KDM2A: variants seen among roughly 807,000 people sequenced by gnomAD.
KDM2A encodes the protein lysine-specific demethylase 2A.
Under a neutral mutation model 137.3 loss-of-function variants are expected in KDM2A, and 3 were observed. That is an observed-to-expected ratio of 0.02 (90% CI 0.01 to 0.06). The LOEUF (loss-of-function observed/expected upper bound fraction) is 0.06, where lower values mean the gene tolerates loss of function less well. Ranked by LOEUF, KDM2A falls within the 10% of genes least tolerant of loss-of-function variation. KDM2A has a pLI of 1.00. For synonymous variants in KDM2A, 512 were observed against 541.5 expected, an observed-to-expected ratio of 0.95 and a Z score of 0.76; for missense variants, 738 against 1,510.6, an observed-to-expected ratio of 0.49 and a Z score of 8.48.
Position 67,119,742 on chromosome 11 carries a change from CCGGGGCCGGCCCGGGGCT to C in KDM2A, c.-386_-369del, listed in dbSNP as rs1240511146. 1 of 150,262 alleles carries C rather than the reference CCGGGGCCGGCCCGGGGCT, an allele frequency of 6.7e-6. No individual in the cohort carries two copies. The highest frequency in any genetic ancestry group is 1.5e-5 in the Non-Finnish European group (1 of 67,276). 9.3% of individuals were successfully genotyped at this position (150,262 alleles called of 1,614,324 possible). A position where few individuals can be genotyped will look rare whatever the true frequency, so the allele number is the denominator to read the frequency against. On this transcript the variant is annotated 5_prime_UTR_variant, in exon 1 of 21. Coordinates refer to ENST00000529006, the MANE Select transcript of KDM2A (RefSeq NM_012308.3). ...ACGGCGAGGAGGGCGCTCCCTGCGG[CCGGGGCCGGCCCGGGGCT>C]CGGGCCCGGGCTGCTGACCGCTGGC... is the stretch of plus-strand genomic sequence containing the variant.
rs568922387 is a variant in KDM2A at position 67,255,876 on chromosome 11, C to T, written c.*821C>T. Reference sequence around the variant, plus strand: ...TGTTCCCCCTCTCTCTTTTGCCTCCCACTGACTGCCCTTTTCCATGTGTCT... The same window carrying T: ...TGTTCCCCCTCTCTCTTTTGCCTCCTACTGACTGCCCTTTTCCATGTGTCT... On this transcript the variant is annotated 3_prime_UTR_variant, in exon 21 of 21. Transcript: ENST00000529006. 4.2e-5 allele frequency: 11 copies of T among 264,924 alleles called. 1 individual carries two copies. Among genetic ancestry groups the T allele is most frequent in the South Asian group, 3.7e-4 (11 of 29,922 alleles). 16.4% of individuals were successfully genotyped at this position (264,924 alleles called of 1,614,324 possible).
At chr11:67,151,327 A>T (rs971473103) in intron 2 of KDM2A, among the ~76,000 whole-genome samples, 1 of 152,134 alleles carries the variant, frequency 6.6e-6, no homozygotes, top group Non-Finnish European at 1.5e-5. Flanking sequence ...ATGTTGGTGT[A>T]AACTATACAC....
At chr11:67,198,545 C>T (rs1405239201) in intron 5 of KDM2A, among the ~76,000 whole-genome samples, 1 of 151,802 alleles carries the variant, frequency 6.6e-6, no homozygotes, top group Non-Finnish European at 1.5e-5. Flanking sequence ...CCCATCTCTA[C>T]TAAAAACACA....
rs1214491109 is a variant in KDM2A at position 67,255,138 on chromosome 11, G to A, written c.*83G>A. The stretch of plus-strand genomic sequence containing the variant: ...AGAGCCTCTCCTCGACCCTGCACGG[G>A]CTCTGAGGCCAGCGTCACACTCCCT... On this transcript the variant is annotated 3_prime_UTR_variant, in exon 21 of 21. Coordinates refer to ENST00000529006, the MANE Select transcript of KDM2A (RefSeq NM_012308.3). 2 of 1,258,470 alleles carry A rather than the reference G, an allele frequency of 1.6e-6. No homozygotes were observed. Among genetic ancestry groups the A allele is most frequent in the Admixed American group, 4.2e-5 (2 of 47,522 alleles). 78.0% of individuals were successfully genotyped at this position (1,258,470 alleles called of 1,614,324 possible).
intron 10 of KDM2A, among the ~76,000 whole-genome samples, chr11:67,223,331 C>T (rs558716875): frequency 4.6e-5 from 7 of 151,986 alleles, no homozygotes; most frequent in South Asian, 4.2e-4. Context: ...TTATAAGTTA[C>T]GAGTAAAAAC....
chr11:67,210,651 C>T (rs576390965), intron 6 of KDM2A, among the ~76,000 whole-genome samples: 8 of 152,232 alleles, frequency 5.3e-5, no homozygotes, highest in African/African-American at 1.4e-4. Context: ...TAATATCTTA[C>T]GGGGACCTAA....
intron 10 of KDM2A, among the ~76,000 whole-genome samples, chr11:67,226,876 C>T (rs534338492): frequency 9.5e-4 from 144 of 152,104 alleles, no homozygotes; most frequent in Non-Finnish European, 1.9e-3. Context: ...CTTGTAATCT[C>T]GGCTACTGGG....
At chr11:67,191,321 G>A (rs1857349100) in intron 5 of KDM2A, among the ~76,000 whole-genome samples, 1 of 152,084 alleles carries the variant, frequency 6.6e-6, no homozygotes, top group Non-Finnish European at 1.5e-5. Flanking sequence ...CACTGCGCCC[G>A]ACCAAGGGAA....
At chr11:67,216,357 A>G (rs1858160363) in intron 8 of KDM2A, among the ~76,000 whole-genome samples, 1 of 152,362 alleles carries the variant, frequency 6.6e-6, no homozygotes, top group Middle Eastern at 3.4e-3. Context: ...CTTTCCCTCT[A>G]TGTAGCCATT....
At chr11:67,166,456 G>A (rs1856748416) in intron 2 of KDM2A, among the ~76,000 whole-genome samples, 1 of 152,076 alleles carries the variant, frequency 6.6e-6, no homozygotes, top group African/African-American at 2.4e-5. Context: ...AAAGTGTTAG[G>A]ATTACAGGAG....
intron 12 of KDM2A, among the ~76,000 whole-genome samples, chr11:67,235,660 C>T (rs1244457432): frequency 2.0e-5 from 3 of 150,726 alleles, no homozygotes; most frequent in Admixed American, 2.0e-4. Context: ...CTTGCTCTGT[C>T]ACCTAGGCTG....
chr11:67,250,137 C>A lies in KDM2A; in HGVS notation c.2107C>A (p.Arg703=), dbSNP rs1403006325. Reference sequence around the variant, plus strand: ...AGAAGCTGTGCAAGCCAAAGTCCTGCGGCCCCTGCGGAGCTGCGATGAGCC... The same window carrying A: ...AGAAGCTGTGCAAGCCAAAGTCCTGAGGCCCCTGCGGAGCTGCGATGAGCC... The part of the protein sequence containing the change: ...DEEAVQAKVL[R]PLRSCDEPLT... Residue 703 remains arginine, a synonymous_variant, in exon 17 of 21, where the codon CGG becomes AGG. Transcript: ENST00000529006. The surrounding 1 kb of genome is among the most constrained non-coding windows in gnomAD (Gnocchi z 7.1). 1.2e-6 allele frequency: 2 copies of A among 1,610,904 alleles called. No homozygotes were observed. The highest frequency in any genetic ancestry group is 1.1e-5 in the South Asian group (1 of 90,698).
intron 9 of KDM2A, 47 bp downstream of exon 9, chr11:67,217,931 A>G (rs1858220258): frequency 6.7e-7 from 1 of 1,489,500 alleles, no homozygotes; most frequent in Non-Finnish European, 9.0e-7. Flanking sequence ...TTTTTCCTTA[A>G]TGAAAAAGAA....
chr11:67,251,041 A>G (rs572144260), intron 17 of KDM2A, among the ~76,000 whole-genome samples: 34 of 152,242 alleles, frequency 2.2e-4, no homozygotes, highest in Admixed American at 7.2e-4. Flanking sequence ...TCTCATTGTT[A>G]TGGGGAGGGA....
chr11:67,244,486 C>T (rs1460162245), intron 13 of KDM2A, among the ~76,000 whole-genome samples: 5 of 152,012 alleles, frequency 3.3e-5, no homozygotes, highest in East Asian at 3.8e-4. Flanking sequence ...GGAGTGACTT[C>T]GGTACATGGC....
At chr11:67,247,631 GC>G (rs751836720) in intron 15 of KDM2A, among the ~76,000 whole-genome samples, 19 of 151,668 alleles carry the variant, frequency 1.3e-4, no homozygotes, top group Non-Finnish European at 2.8e-4. Flanking sequence ...CACCATGTTG[GC>G]CAGGTTGGTC....
rs1565423135 is a variant in KDM2A, at chr11:67,245,537, A to G, written c.1833+79A>G. 15 of 1,479,788 alleles carry G rather than the reference A, an allele frequency of 1.0e-5. No individual in the cohort carries two copies. The highest frequency in any genetic ancestry group is 1.1e-5 in the Non-Finnish European group (12 of 1,079,320). The allele number at this position is 1,479,788 out of a possible 1,614,324, so 91.7% of individuals were successfully genotyped here. A position where few individuals can be genotyped will look rare whatever the true frequency, so the allele number is the denominator to read the frequency against. On this transcript the variant is annotated intron_variant, in intron 14 of 20. Transcript: ENST00000529006. This position sits in a 1 kb window ranked among gnomAD's most constrained non-coding sequence, Gnocchi z 4.1. Reference sequence around the variant, plus strand: ...ACTGAAATACATATAGTGTAGAGTTAAAGAGACTTCAGAGTTGGAAAGAAA... The same window carrying G: ...ACTGAAATACATATAGTGTAGAGTTGAAGAGACTTCAGAGTTGGAAAGAAA...
Position 67,254,042 on chromosome 11 carries a change from T to C in KDM2A, c.3092-161T>C, listed in dbSNP as rs901588213. Among the ~76,000 whole-genome samples, 5 of 152,246 alleles carry C rather than the reference T, an allele frequency of 3.3e-5. No individual in the cohort carries two copies. The highest frequency in any genetic ancestry group is 6.5e-5 in the Admixed American group (1 of 15,288). On this transcript the variant is annotated intron_variant, in intron 19 of 20. Transcript: ENST00000529006. The surrounding 1 kb of genome is among the most constrained non-coding windows in gnomAD (Gnocchi z 4.7). ...CTTGTCTGGTTTCCTAGAAACTGCC[T>C]ACACCCAGTGCTCACACCCTGAAGG...
intron 5 of KDM2A, among the ~76,000 whole-genome samples, chr11:67,185,255 A>G (rs1277098816): frequency 6.6e-6 from 1 of 152,232 alleles, no homozygotes; most frequent in Non-Finnish European, 1.5e-5. Flanking sequence ...AAGAATCAGC[A>G]AAGATAGGAC....
Sources: gnomAD v4.1 joint callset for allele counts (sites outside exome capture counted in the v4.1 genomes callset) on GRCh38, gnomAD v4.1.1 for gene constraint, Gnocchi (gnomAD v3.1) non-coding constraint, MANE v1.5 for transcripts, NCBI Gene and HGNC (gene_info 2026-07-23, HGNC 2026-07-21) for gene names.